ERBB4: variants seen among roughly 807,000 people sequenced by gnomAD.
The protein encoded by ERBB4 is receptor tyrosine-protein kinase erbB-4.
Under a neutral mutation model 158.0 loss-of-function variants are expected in ERBB4, and 42 were observed. That is an observed-to-expected ratio of 0.27 (90% confidence interval 0.21 to 0.34). The LOEUF is 0.34. ERBB4 is among the 10% of genes least tolerant of loss of function. The pLI is 1.00. For missense variants in ERBB4, 1,333 were observed against 1,624.1 expected (o/e 0.82, Z 3.08); for synonymous variants, 583 against 558.7 (o/e 1.04, Z -0.61).
intron 20 of ERBB4, among the ~76,000 whole-genome samples, chr2:211,510,938 A>G (rs1321618233): frequency 6.6e-6 from 1 of 152,026 alleles, no homozygotes; most frequent in Non-Finnish European, 1.5e-5. Flanking sequence ...AAAATTTAAG[A>G]TCACAGTATA....
intron 4 of ERBB4, among the ~76,000 whole-genome samples, chr2:211,783,457 C>T (rs866656109): frequency 2.0e-5 from 3 of 152,216 alleles, no homozygotes; most frequent in Non-Finnish European, 4.4e-5. Flanking sequence ...GTTTTCAAAG[C>T]GAATGCTTCC....
chr2:212,398,669 T>A (rs1043227887), intron 1 of ERBB4, among the ~76,000 whole-genome samples: 2 of 152,206 alleles, frequency 1.3e-5, no homozygotes, highest in Non-Finnish European at 2.9e-5. Context: ...CTAAAACAAT[T>A]GTATTTGTAA....
chr2:211,971,840 C>G (rs2081461750), intron 2 of ERBB4, among the ~76,000 whole-genome samples: 1 of 152,094 alleles, frequency 6.6e-6, no homozygotes, highest in South Asian at 2.1e-4. Flanking sequence ...TAGCTGGAAG[C>G]ATTCCCCTTG....
intron 2 of ERBB4, among the ~76,000 whole-genome samples, chr2:212,116,032 T>C (rs2079562061): frequency 6.6e-6 from 1 of 152,118 alleles, no homozygotes; most frequent in Admixed American, 6.6e-5. Context: ...AACAGTTTTA[T>C]TGTTATTTAT....
intron 1 of ERBB4, among the ~76,000 whole-genome samples, chr2:212,308,399 A>G (rs934394462): frequency 2.0e-5 from 3 of 151,022 alleles, no homozygotes; most frequent in Admixed American, 6.6e-5. Flanking sequence ...GAGTCTGAGG[A>G]AACAATTTTG....
At chr2:212,284,357 CCT>C (rs1424275438) in intron 1 of ERBB4, among the ~76,000 whole-genome samples, 4 of 152,078 alleles carry the variant, frequency 2.6e-5, no homozygotes, top group Admixed American at 1.3e-4. Context: ...GATCTGCTGC[CCT>C]GTTTCCACAA....
chr2:212,367,190 T>A (rs4465721), intron 1 of ERBB4, among the ~76,000 whole-genome samples: 25,800 of 152,020 alleles, frequency 0.17, 2,506 homozygotes, highest in South Asian at 0.25. Context: ...AAAACCTATC[T>A]TGCCAGCATC....
chr2:211,418,043 T>C (rs2063431119), intron 25 of ERBB4, among the ~76,000 whole-genome samples: 3 of 152,006 alleles, frequency 2.0e-5, no homozygotes, highest in South Asian at 4.1e-4. Context: ...CTAAAGTTTC[T>C]TAATTAGTGC....
intron 1 of ERBB4, among the ~76,000 whole-genome samples, chr2:212,487,365 G>C (rs1002447793): frequency 6.6e-6 from 1 of 151,816 alleles, no homozygotes; most frequent in African/African-American, 2.4e-5. Flanking sequence ...TTATCTCATG[G>C]AAAAACACTA....
chr2:211,696,636 T>C (rs893894108), intron 12 of ERBB4, among the ~76,000 whole-genome samples: 3 of 151,448 alleles, frequency 2.0e-5, no homozygotes, highest in Non-Finnish European at 4.4e-5. Context: ...AATTTTCTTA[T>C]GAAAATTAAT....
intron 3 of ERBB4, among the ~76,000 whole-genome samples, chr2:211,860,635 T>C (rs1273663826): frequency 6.6e-6 from 1 of 151,802 alleles, no homozygotes; most frequent in East Asian, 1.9e-4. Context: ...TTAAAGTTTA[T>C]TGACAGTAAA....
intron 2 of ERBB4, among the ~76,000 whole-genome samples, chr2:212,103,538 A>C (rs1216209128): frequency 6.6e-6 from 1 of 151,984 alleles, no homozygotes; most frequent in African/African-American, 2.4e-5. Flanking sequence ...ATGTTTTACA[A>C]CTCCTACATA....
chr2:211,719,977 G>A (rs188096811), intron 7 of ERBB4, among the ~76,000 whole-genome samples: 11 of 152,060 alleles, frequency 7.2e-5, no homozygotes, highest in Admixed American at 3.9e-4. Flanking sequence ...GAAAGTACAC[G>A]GCATAAACAT....
intron 20 of ERBB4, among the ~76,000 whole-genome samples, chr2:211,461,970 C>T (rs1359539370): frequency 1.3e-5 from 2 of 151,656 alleles, no homozygotes; most frequent in African/African-American, 4.8e-5. Flanking sequence ...CTGGTTTTGC[C>T]ATTTTATGGC....
chr2:212,438,233 T>G (rs2092179931), intron 1 of ERBB4, among the ~76,000 whole-genome samples: 1 of 152,136 alleles, frequency 6.6e-6, no homozygotes, highest in Non-Finnish European at 1.5e-5. Context: ...GGAGCCAGAC[T>G]TAGATAGTAC....
chr2:212,118,477 T>C (rs960668462), intron 2 of ERBB4, among the ~76,000 whole-genome samples: 1 of 152,188 alleles, frequency 6.6e-6, no homozygotes, highest in Non-Finnish European at 1.5e-5. Context: ...GAGAATGAAA[T>C]AGTATAGATC....
intron 1 of ERBB4, among the ~76,000 whole-genome samples, chr2:212,447,946 T>C (rs1422975222): frequency 2.0e-5 from 3 of 152,128 alleles, no homozygotes; most frequent in African/African-American, 7.2e-5. Context: ...TGTCATTATA[T>C]GGAATTGAAT....
chr2:212,442,445 G>A (rs1413561218), intron 1 of ERBB4, among the ~76,000 whole-genome samples: 1 of 152,098 alleles, frequency 6.6e-6, no homozygotes, highest in Non-Finnish European at 1.5e-5. Flanking sequence ...TTTTACCAGG[G>A]TAACTGTGCA....
intron 20 of ERBB4, among the ~76,000 whole-genome samples, chr2:211,512,690 A>T (rs879864698): frequency 6.6e-6 from 1 of 152,144 alleles, no homozygotes; most frequent in African/African-American, 2.4e-5. Flanking sequence ...AAATTTTTAC[A>T]AAACAGTTAA....
Sources: gnomAD v4.1 joint callset for allele counts (sites outside exome capture counted in the v4.1 genomes callset) on GRCh38, gnomAD v4.1.1 for gene constraint, MANE v1.5 for transcripts, NCBI Gene and HGNC (gene_info 2026-07-23, HGNC 2026-07-21) for gene names.